Variants in UBE2K observed in about 807,000 individuals in gnomAD.
UBE2K encodes the protein ubiquitin conjugating enzyme E2 K.
A neutral mutation model predicts 30.0 loss-of-function variants in UBE2K; 6 were observed. The observed-to-expected ratio is 0.20, with a 90% CI of 0.11 to 0.39. The LOEUF is 0.39. Among genes scored for constraint, UBE2K ranks in the 10% least tolerant of loss-of-function variants. The pLI, the probability that UBE2K is intolerant of heterozygous loss-of-function variation, is 1.00. For synonymous variants in UBE2K, 86 were observed against 83.7 expected (o/e 1.03, Z -0.15); for missense variants, 61 against 241.6 (o/e 0.25, Z 4.96).
At chr4:39,774,481 C>A (rs980967160) in intron 4 of UBE2K, among the ~76,000 whole-genome samples, 2 of 148,900 alleles carry the variant, frequency 1.3e-5, no homozygotes, top group Non-Finnish European at 3.0e-5. Flanking sequence ...GGCGTTAAGG[C>A]GGGCCCCTGT....
chr4:39,765,956 C>CAT (rs1712306919), intron 4 of UBE2K, among the ~76,000 whole-genome samples: 1 of 151,968 alleles, frequency 6.6e-6, no homozygotes, highest in Admixed American at 6.5e-5. Flanking sequence ...CACACATACA[C>CAT]ATACACATAC....
intron 4 of UBE2K, among the ~76,000 whole-genome samples, chr4:39,771,962 T>G (rs1332572150): frequency 6.6e-6 from 1 of 152,132 alleles, no homozygotes; most frequent in Non-Finnish European, 1.5e-5. Flanking sequence ...CCTCAGCCCC[T>G]CAAGTAACTG....
chr4:39,745,715 A>G (rs1441338461), intron 2 of UBE2K, 37 bp from the exon 3 acceptor site: 8 of 1,389,344 alleles, frequency 5.8e-6, no homozygotes, highest in Non-Finnish European at 7.1e-6. Context: ...ATTTGAATTG[A>G]GCAGCATTCT....
intron 3 of UBE2K, among the ~76,000 whole-genome samples, chr4:39,753,238 G>A (rs1272394758): frequency 6.6e-6 from 1 of 152,048 alleles, no homozygotes; most frequent in East Asian, 1.9e-4. Flanking sequence ...AGAAATAAAA[G>A]AATTGGCTGG....
At chr4:39,739,442 A>ATTTTT (rs35957337) in intron 2 of UBE2K, among the ~76,000 whole-genome samples, 4 of 105,782 alleles carry the variant, frequency 3.8e-5, no homozygotes, top group Admixed American at 1.1e-4. Context: ...CTGTTTATTC[A>ATTTTT]TTTTTTTTTT....
chr4:39,714,550 A>ATATAT, intron 1 of UBE2K: 6 of 17,854 alleles, frequency 3.4e-4, no homozygotes, highest in African/African-American at 9.8e-4. Flanking sequence ...ATATATATAT[A>ATATAT]TTTTTTTTTT....
rs192977330 is a variant in UBE2K at position 39,779,202 on chromosome 4, T to G, written c.*768T>G. On this transcript the variant is annotated 3_prime_UTR_variant, in exon 7 of 7. Transcript: ENST00000261427. ...TCCCAGTTCTTCAAACACTCTTAAA[T>G]TTTTCTTAAGTAATGTAAAAATGGA... 7 of 152,280 alleles carry G rather than the reference T, an allele frequency of 4.6e-5. No homozygotes were observed. The highest frequency in any genetic ancestry group is 8.8e-5 in the Non-Finnish European group (6 of 68,022). The allele number at this position is 152,280 out of a possible 1,614,324, so 9.4% of individuals were successfully genotyped here.
At position 39,774,821 on chromosome 4, in the gene UBE2K, T is replaced by G. The variant is rs1713190681; in HGVS notation, c.300-13T>G. 6.9e-7 allele frequency: 1 copy of G among 1,458,618 alleles called. No individual in the cohort carries two copies. The highest frequency in any genetic ancestry group is 9.2e-7 in the Non-Finnish European group (1 of 1,089,966). The allele number at this position is 1,458,618 out of a possible 1,614,324, so 90.4% of individuals were successfully genotyped here. A position where few individuals can be genotyped will look rare whatever the true frequency, so the allele number is the denominator to read the frequency against. Reference sequence around the variant, plus strand: ...CCCTCTTAATTGGGATATTTTCATGTTTTGCATTTTAGGGCAGCTGCAATG... The same window carrying G: ...CCCTCTTAATTGGGATATTTTCATGGTTTGCATTTTAGGGCAGCTGCAATG... On this transcript the variant is annotated splice_polypyrimidine_tract_variant and intron_variant, in intron 4 of 6. Coordinates refer to ENST00000261427, the MANE Select transcript of UBE2K (RefSeq NM_005339.5).
At chr4:39,778,225 T>C (rs1475495556) in intron 6 of UBE2K, 135 bp from the exon 7 acceptor site, 1 of 450,652 alleles carries the variant, frequency 2.2e-6, no homozygotes, top group Non-Finnish European at 3.8e-6. Flanking sequence ...TTAGAAGCTT[T>C]CCATGCACTG....
intron 4 of UBE2K, among the ~76,000 whole-genome samples, chr4:39,773,649 C>T (rs567557221): frequency 1.2e-4 from 18 of 152,026 alleles, no homozygotes; most frequent in East Asian, 3.9e-4. Flanking sequence ...TGGCTGGGCG[C>T]GGTGGCTCAC....
rs1351516585 is a variant in UBE2K at position 39,739,097 on chromosome 4, G to A, written c.157+1584G>A. 3.3e-5 allele frequency among the ~76,000 whole-genome samples: 5 copies of A among 151,674 alleles called. No homozygotes were observed. In the East Asian group the frequency reaches 5.8e-4, roughly 18 times the overall value. Reference sequence around the variant, plus strand: ...GCCTGGAGTGCAGTGGCGCGATCTCGGCTCACTGCAAGCTTCGCCTCCTGG... The same window carrying A: ...GCCTGGAGTGCAGTGGCGCGATCTCAGCTCACTGCAAGCTTCGCCTCCTGG... On this transcript the variant is annotated intron_variant, in intron 2 of 6. Transcript: ENST00000261427.
intron 4 of UBE2K, among the ~76,000 whole-genome samples, chr4:39,765,560 G>T (rs1712263549): frequency 6.7e-6 from 1 of 149,788 alleles, no homozygotes; most frequent in African/African-American, 2.5e-5. Flanking sequence ...TGGCTCACGC[G>T]TATAATCCCA....
chr4:39,726,875 G>T (rs1404185876), intron 1 of UBE2K, among the ~76,000 whole-genome samples: 2 of 152,218 alleles, frequency 1.3e-5, no homozygotes, highest in Non-Finnish European at 2.9e-5. Flanking sequence ...AGGATTACCA[G>T]CGTGAGCCAA....
In UBE2K at chr4:39,740,985, A is replaced by G. The variant is rs1488484718; in HGVS notation, c.157+3472A>G. Among the ~76,000 whole-genome samples, 6 of 149,818 alleles carry G rather than the reference A, an allele frequency of 4.0e-5. No individual in the cohort carries two copies. The East Asian group carries it at 1.0e-3, about 25-fold the overall frequency. ...AAAGTTTGGTCATTTAAAAGTGCTT[A>G]TATCTGCCTGGGCGGGGTGGCTGAT... On this transcript the variant is annotated intron_variant, in intron 2 of 6. Transcript: ENST00000261427.
intron 4 of UBE2K, chr4:39,771,076 T>A: frequency 1.2e-6 from 2 of 1,612,518 alleles, no homozygotes. Flanking sequence ...GCTGAGGGCA[T>A]TCTGGCATTT....
At chr4:39,771,486 T>C in intron 4 of UBE2K, 1 of 1,495,900 alleles carries the variant, frequency 6.7e-7, no homozygotes, top group Non-Finnish European at 8.9e-7. Context: ...TGTTTTTTTT[T>C]AATCCCCTAT....
chr4:39,707,010 G>A (rs945960339), intron 1 of UBE2K, among the ~76,000 whole-genome samples: 2 of 152,032 alleles, frequency 1.3e-5, no homozygotes, highest in Middle Eastern at 3.2e-3. Context: ...GGCTTCAAGT[G>A]ATTCTCAGGC....
chr4:39,746,079 A>G (rs1420978551), intron 3 of UBE2K, among the ~76,000 whole-genome samples: 1 of 152,088 alleles, frequency 6.6e-6, no homozygotes, highest in African/African-American at 2.4e-5. Flanking sequence ...AGATCTAGAA[A>G]TACGTGGCAG....
In UBE2K at chr4:39,744,856, G is replaced by A. The variant is rs1720899887; in HGVS notation, c.158-896G>A. On this transcript the variant is annotated intron_variant, in intron 2 of 6. Coordinates refer to ENST00000261427, the MANE Select transcript of UBE2K (RefSeq NM_005339.5). ...CGGGAGGTGGAGCTTGAAGTGAGCC[G>A]AGATCACGCCACTGCACTCCGGCCT... 2.7e-5 allele frequency among the ~76,000 whole-genome samples: 4 copies of A among 148,778 alleles called. No homozygotes were observed. The South Asian group carries it at 6.3e-4, about 23-fold the overall frequency.
Sources: gnomAD v4.1 joint callset for allele counts (sites outside exome capture counted in the v4.1 genomes callset) on GRCh38, gnomAD v4.1.1 for gene constraint, MANE v1.5 for transcripts, NCBI Gene and HGNC (gene_info 2026-07-23, HGNC 2026-07-21) for gene names.